Variants in BMPR2 observed in about 807,000 individuals in gnomAD.
The protein encoded by BMPR2 is bone morphogenetic protein receptor type 2, also known as bone morphogenetic protein receptor type-2.
A neutral mutation model predicts 100.8 loss-of-function variants in BMPR2; 29 were observed. That is an observed-to-expected ratio of 0.29 (90% CI 0.21 to 0.39). The LOEUF is 0.39. Ranked by LOEUF, BMPR2 falls within the 10% of genes least tolerant of loss-of-function variation. BMPR2 has a pLI of 1.00. For synonymous variants in BMPR2, 382 were observed against 442.3 expected, an observed-to-expected ratio of 0.86 and a Z score of 1.71; for missense variants, 1,011 against 1,274.5, an observed-to-expected ratio of 0.79 and a Z score of 3.15.
intron 1 of BMPR2, among the ~76,000 whole-genome samples, chr2:202,454,764 C>T (rs1692057901): frequency 6.6e-6 from 1 of 152,304 alleles, no homozygotes; most frequent in South Asian, 2.1e-4. Context: ...TAGAGCTGCA[C>T]TATCTAAAAT....
chr2:202,445,532 T>C (rs573604279), intron 1 of BMPR2, among the ~76,000 whole-genome samples: 1 of 150,082 alleles, frequency 6.7e-6, no homozygotes, highest in African/African-American at 2.5e-5. Context: ...TGGCCTATTT[T>C]TAGTTTTTTG....
intron 1 of BMPR2, among the ~76,000 whole-genome samples, chr2:202,459,584 G>A (rs1692185645): frequency 1.3e-5 from 2 of 152,152 alleles, no homozygotes; most frequent in South Asian, 4.1e-4. Context: ...TTGAGAACCT[G>A]TGGTGTTTGG....
intron 1 of BMPR2, among the ~76,000 whole-genome samples, chr2:202,438,902 G>A (rs909610432): frequency 6.6e-6 from 1 of 150,578 alleles, no homozygotes; most frequent in Admixed American, 6.6e-5. Context: ...CAGGAAATGT[G>A]AATCCTCTGA....
At chr2:202,452,039 C>CCACT (rs1191283375) in intron 1 of BMPR2, among the ~76,000 whole-genome samples, 1 of 152,080 alleles carries the variant, frequency 6.6e-6, no homozygotes, top group Non-Finnish European at 1.5e-5. Flanking sequence ...CAGTCGTGAG[C>CCACT]CACTGCGCCT....
chr2:202,545,946 A>T (rs757486649), intron 10 of BMPR2, among the ~76,000 whole-genome samples: 16 of 152,346 alleles, frequency 1.1e-4, no homozygotes, highest in Admixed American at 9.1e-4. Context: ...GTGAAATTTT[A>T]TTCTAGTAAA....
At chr2:202,456,205 C>T (rs1426944128) in intron 1 of BMPR2, among the ~76,000 whole-genome samples, 4 of 150,470 alleles carry the variant, frequency 2.7e-5, no homozygotes, top group African/African-American at 7.3e-5. Context: ...GAAGTCTTGC[C>T]GTGTCGCCCA....
intron 7 of BMPR2, among the ~76,000 whole-genome samples, chr2:202,521,288 C>T (rs1261788887): frequency 1.3e-5 from 2 of 152,132 alleles, no homozygotes; most frequent in Admixed American, 6.6e-5. Context: ...GCAGCCCGGG[C>T]GTGATTGATG....
At chr2:202,388,699 A>T (rs1690484401) in intron 1 of BMPR2, among the ~76,000 whole-genome samples, 2 of 151,104 alleles carry the variant, frequency 1.3e-5, no homozygotes, top group Non-Finnish European at 2.9e-5. Context: ...GAGGCAGAAG[A>T]ATCCCTTGAA....
chr2:202,540,482 A>C (rs1474524248), intron 9 of BMPR2, among the ~76,000 whole-genome samples: 1 of 152,248 alleles, frequency 6.6e-6, no homozygotes, highest in Non-Finnish European at 1.5e-5. Flanking sequence ...AAATGTTTAC[A>C]GTATGTGAAA....
Position 202,530,873 on chromosome 2 carries a change from T to C in BMPR2, c.1047T>C (p.Ile349=). 1 of 1,614,088 alleles carries C rather than the reference T, an allele frequency of 6.2e-7. No homozygotes were observed. Among genetic ancestry groups the C allele is most frequent in the Non-Finnish European group, 8.5e-7 (1 of 1,179,964 alleles). Residue 349 remains isoleucine (I), a synonymous_variant, in exon 8 of 13, where the codon ATT becomes ATC. Coordinates refer to ENST00000374580, the MANE Select transcript of BMPR2 (RefSeq NM_001204.7). ...VLVKNDGTCV[I]SDFGLSMRLT... ...TGAAAAATGATGGAACCTGTGTTAT[T>C]AGTGACTTTGGACTGTCCATGAGGC...
chr2:202,552,043 C>T (rs996932360), intron 10 of BMPR2, among the ~76,000 whole-genome samples: 23 of 152,136 alleles, frequency 1.5e-4, no homozygotes, highest in East Asian at 1.2e-3. Flanking sequence ...TTAGTAGAGA[C>T]GAGGTTTCAC....
chr2:202,510,609 A>G (rs1280531545), intron 3 of BMPR2, among the ~76,000 whole-genome samples: 2 of 152,144 alleles, frequency 1.3e-5, no homozygotes, highest in Non-Finnish European at 2.9e-5. Context: ...GTGTATGTGT[A>G]TGTATTGAAA....
chr2:202,441,574 C>T (rs1419811755), intron 1 of BMPR2, among the ~76,000 whole-genome samples: 2 of 147,928 alleles, frequency 1.4e-5, no homozygotes, highest in Admixed American at 6.7e-5. Context: ...AAAAATTAGC[C>T]GGGCGTGGTG....
chr2:202,566,274 C>T lies in BMPR2; in HGVS notation c.*6328C>T, dbSNP rs949770140. On this transcript the variant is annotated 3_prime_UTR_variant, in exon 13 of 13. Coordinates refer to ENST00000374580, the MANE Select transcript of BMPR2 (RefSeq NM_001204.7). ...ACAGACATCATGTTACTTAAAAACT[C>T]AGGGCCCCTTTCATCCCTTTGTACA... 7.2e-5 allele frequency: 11 copies of T among 152,608 alleles called. No homozygotes were observed. The highest frequency in any genetic ancestry group is 2.7e-4 in the African/African-American group (11 of 41,452). 9.5% of individuals were successfully genotyped at this position (152,608 alleles called of 1,614,324 possible). A position where few individuals can be genotyped will look rare whatever the true frequency, so the allele number is the denominator to read the frequency against.
intron 3 of BMPR2, among the ~76,000 whole-genome samples, chr2:202,490,901 A>G (rs1256579207): frequency 6.6e-6 from 1 of 151,972 alleles, no homozygotes; most frequent in African/African-American, 2.4e-5. Context: ...GGATCTGAGC[A>G]ATGTTTTTTT....
chr2:202,542,538 A>G (rs1688296307), intron 10 of BMPR2, 91 bp downstream of exon 10: 1 of 1,487,436 alleles, frequency 6.7e-7, no homozygotes, highest in Non-Finnish European at 9.2e-7. Flanking sequence ...AATAACGTTA[A>G]TAGTTTTTGG....
intron 1 of BMPR2, among the ~76,000 whole-genome samples, chr2:202,434,879 CAAAAAAAAAAAAA>C (rs1172617261): frequency 1.4e-4 from 7 of 48,932 alleles, no homozygotes; most frequent in African/African-American, 6.7e-4. Flanking sequence ...GACTCTGTCT[CAAAAAAAAAAAAA>C]AAAAAAAAAA....
chr2:202,540,929 A>G (rs1688257510), intron 9 of BMPR2, among the ~76,000 whole-genome samples: 1 of 152,136 alleles, frequency 6.6e-6, no homozygotes. Context: ...GTTCTTTGCC[A>G]TGGTTTCTAC....
chr2:202,382,313 C>G (rs1300434524), intron 1 of BMPR2, among the ~76,000 whole-genome samples: 2 of 152,146 alleles, frequency 1.3e-5, no homozygotes, highest in East Asian at 3.9e-4. Flanking sequence ...CTGCCCTGGC[C>G]TCCCAAAGTG....
Sources: allele counts gnomAD v4.1 joint callset (sites outside exome capture counted in the v4.1 genomes callset), GRCh38; gene constraint gnomAD v4.1.1; transcripts MANE v1.5; gene names NCBI Gene and HGNC (gene_info 2026-07-23, HGNC 2026-07-21).